Variants in EPHA6 observed in about 807,000 individuals in gnomAD.
The protein encoded by EPHA6 is EPH receptor A6, also known as ephrin type-A receptor 6.
EPHA6 carries 50 observed loss-of-function variants against 112.0 expected under a neutral mutation model. The ratio of observed to expected loss-of-function variants is 0.45; its 90% CI spans 0.36 to 0.56. The LOEUF (loss-of-function observed/expected upper bound fraction) is 0.56, where lower values mean the gene tolerates loss of function less well. Ranked by LOEUF, EPHA6 falls within the 20% of genes least tolerant of loss-of-function variation. EPHA6 has a pLI of 0.00. For missense variants in EPHA6, 1,280 were observed against 1,417.4 expected (o/e 0.90, Z 1.56); for synonymous variants, 529 against 490.7 (o/e 1.08, Z -1.03).
At chr3:96,866,917 G>A (rs1046121116) in intron 2 of EPHA6, 28 bp downstream of exon 2, 1 of 1,328,706 alleles carries the variant, frequency 7.5e-7, no homozygotes, top group African/African-American at 1.5e-5. Context: ...AAAAATTGCT[G>A]TCTTTTTTAG....
chr3:97,275,256 A>G (rs1305242379), intron 5 of EPHA6, among the ~76,000 whole-genome samples: 2 of 152,134 alleles, frequency 1.3e-5, no homozygotes, highest in African/African-American at 2.4e-5. Context: ...GGGAGAGCAC[A>G]TGTGTTTTTA....
At chr3:96,871,936 G>T (rs533847306) in intron 2 of EPHA6, among the ~76,000 whole-genome samples, 75 of 152,172 alleles carry the variant, frequency 4.9e-4, no homozygotes, top group Admixed American at 8.5e-4. Flanking sequence ...ATGCTGAATC[G>T]AATTAACCAG....
intron 11 of EPHA6, among the ~76,000 whole-genome samples, chr3:97,555,009 C>T (rs2093083203): frequency 6.6e-6 from 1 of 151,590 alleles, no homozygotes; most frequent in South Asian, 2.1e-4. Context: ...ATACATGTGC[C>T]ATGCTGGTGT....
At chr3:97,736,221 C>A in intron 16 of EPHA6, 103 bp downstream of exon 16, 2 of 818,856 alleles carry the variant, frequency 2.4e-6, no homozygotes, top group African/African-American at 1.7e-5. Context: ...CCTTGATAAC[C>A]ATCTAGTTGT....
intron 5 of EPHA6, among the ~76,000 whole-genome samples, chr3:97,331,166 A>C (rs1458837840): frequency 6.6e-6 from 1 of 152,174 alleles, no homozygotes; most frequent in East Asian, 1.9e-4. Flanking sequence ...TAACGAAATG[A>C]AGGCAGAAAT....
chr3:97,687,495 A>G (rs993512685), intron 14 of EPHA6, among the ~76,000 whole-genome samples: 2 of 152,194 alleles, frequency 1.3e-5, no homozygotes, highest in Admixed American at 1.3e-4. Flanking sequence ...ATGAAATATA[A>G]TAAGCATAGT....
intron 3 of EPHA6, among the ~76,000 whole-genome samples, chr3:97,012,997 A>T (rs890213218): frequency 1.1e-4 from 16 of 151,730 alleles, no homozygotes; most frequent in African/African-American, 3.9e-4. Context: ...TGAATATTAG[A>T]CCTTTTTCAG....
intron 5 of EPHA6, among the ~76,000 whole-genome samples, chr3:97,247,660 A>T (rs1445016735): frequency 6.6e-6 from 1 of 151,962 alleles, no homozygotes; most frequent in Non-Finnish European, 1.5e-5. Flanking sequence ...CATATCATAG[A>T]AGTACAGCAG....
At chr3:97,252,227 T>C (rs1205927219) in intron 5 of EPHA6, among the ~76,000 whole-genome samples, 1 of 151,964 alleles carries the variant, frequency 6.6e-6, no homozygotes, top group Admixed American at 6.6e-5. Context: ...GTACCAGGGA[T>C]ACTTGAGCAG....
intron 1 of EPHA6, among the ~76,000 whole-genome samples, chr3:96,828,129 G>A (rs2033786051): frequency 6.6e-6 from 1 of 151,878 alleles, no homozygotes; most frequent in African/African-American, 2.4e-5. Context: ...AAGAAAATCA[G>A]TTGCCCCCAT....
At chr3:96,836,530 GT>G (rs1372104989) in intron 1 of EPHA6, among the ~76,000 whole-genome samples, 1 of 152,098 alleles carries the variant, frequency 6.6e-6, no homozygotes, top group Non-Finnish European at 1.5e-5. Flanking sequence ...TTCACATACT[GT>G]TTTACAGCAA....
chr3:97,052,252 T>C (rs1258503544), intron 3 of EPHA6, among the ~76,000 whole-genome samples: 1 of 152,062 alleles, frequency 6.6e-6, no homozygotes, highest in African/African-American at 2.4e-5. Context: ...AACTCTGTCA[T>C]ATGTGTTTAT....
chr3:97,424,163 A>G (rs933029381), intron 6 of EPHA6, among the ~76,000 whole-genome samples: 3 of 152,048 alleles, frequency 2.0e-5, no homozygotes, highest in Non-Finnish European at 4.4e-5. Flanking sequence ...GTGCATAGGA[A>G]CTCTCATTTA....
intron 5 of EPHA6, among the ~76,000 whole-genome samples, chr3:97,361,218 TC>T (rs770117390): frequency 6.6e-6 from 1 of 152,182 alleles, no homozygotes; most frequent in Non-Finnish European, 1.5e-5. Flanking sequence ...GCTGTAACTA[TC>T]AGTAAGAAAC....
chr3:97,014,378 C>T (rs1157521127), intron 3 of EPHA6, among the ~76,000 whole-genome samples: 1 of 150,278 alleles, frequency 6.7e-6, no homozygotes, highest in African/African-American at 2.4e-5. Flanking sequence ...TCCTTCATTT[C>T]TCCCTTTTTC....
At chr3:97,481,530 C>G (rs1300936123) in intron 9 of EPHA6, 1 of 853,436 alleles carries the variant, frequency 1.2e-6, no homozygotes, top group Non-Finnish European at 2.0e-6. Context: ...TAAGTGCAGG[C>G]CCGGGGGTCC....
chr3:97,397,465 A>T (rs929187501), intron 5 of EPHA6, among the ~76,000 whole-genome samples: 89 of 151,800 alleles, frequency 5.9e-4, no homozygotes, highest in Non-Finnish European at 2.2e-4. Flanking sequence ...TGGAAGCCTC[A>T]TTTTAAAATA....
intron 11 of EPHA6, among the ~76,000 whole-genome samples, chr3:97,587,703 A>T (rs1442311251): frequency 6.6e-6 from 1 of 152,146 alleles, no homozygotes; most frequent in Non-Finnish European, 1.5e-5. Flanking sequence ...CCTTATTTTC[A>T]TAATGTGGTT....
At chr3:97,108,026 T>C (rs1172523519) in intron 3 of EPHA6, among the ~76,000 whole-genome samples, 1 of 152,188 alleles carries the variant, frequency 6.6e-6, no homozygotes, top group East Asian at 1.9e-4. Context: ...CCTAAGTTAC[T>C]CTCACTAAGT....
Sources: allele counts gnomAD v4.1 joint callset (sites outside exome capture counted in the v4.1 genomes callset), GRCh38; gene constraint gnomAD v4.1.1; transcripts MANE v1.5; gene names NCBI Gene and HGNC (gene_info 2026-07-23, HGNC 2026-07-21).